The following ZNF407 variants were observed in gnomAD, a reference collection of about 807,000 sequenced individuals.
The protein encoded by ZNF407 is zinc finger protein 407.
Under a neutral mutation model 131.2 loss-of-function variants are expected in ZNF407, and 17 were observed. The observed-to-expected ratio is 0.13, with a 90% CI of 0.09 to 0.19. The LOEUF (loss-of-function observed/expected upper bound fraction) is 0.19. Among genes scored for constraint, ZNF407 ranks in the 10% least tolerant of loss-of-function variants. The pLI, the probability that ZNF407 is intolerant of heterozygous loss-of-function variation, is 1.00. For synonymous variants in ZNF407, 1,156 were observed against 1,062.0 expected, an observed-to-expected ratio of 1.09 and a Z score of -1.72; for missense variants, 2,681 against 2,830.6, an observed-to-expected ratio of 0.95 and a Z score of 1.20.
At chr18:75,059,990 C>T (rs868089958) in intron 8 of ZNF407, among the ~76,000 whole-genome samples, 28 of 152,170 alleles carry the variant, frequency 1.8e-4, no homozygotes, top group South Asian at 6.2e-4. Context: ...GCTCTGTCCC[C>T]AGACACGTGC....
chr18:74,619,925 C>G (rs1983448224), intron 1 of ZNF407, among the ~76,000 whole-genome samples: 1 of 151,670 alleles, frequency 6.6e-6, no homozygotes, highest in Non-Finnish European at 1.5e-5. Flanking sequence ...ACAAACGATC[C>G]TAGGTGTCTG....
At chr18:74,719,611 G>A (rs1967979726) in intron 3 of ZNF407, among the ~76,000 whole-genome samples, 1 of 152,114 alleles carries the variant, frequency 6.6e-6, no homozygotes, top group African/African-American at 2.4e-5. Flanking sequence ...CACCGTGTTA[G>A]CCAGGATGAT....
At chr18:74,836,798 T>C (rs1970565857) in intron 4 of ZNF407, among the ~76,000 whole-genome samples, 1 of 152,236 alleles carries the variant, frequency 6.6e-6, no homozygotes, top group Non-Finnish European at 1.5e-5. Context: ...ATTGTCATCA[T>C]GTGCTTCCTA....
intron 4 of ZNF407, among the ~76,000 whole-genome samples, chr18:74,840,242 T>C (rs1970613795): frequency 6.6e-6 from 1 of 152,124 alleles, no homozygotes; most frequent in Non-Finnish European, 1.5e-5. Context: ...CCATTCATGC[T>C]GGAAGATGCA....
intron 3 of ZNF407, among the ~76,000 whole-genome samples, chr18:74,730,273 C>T (rs1244223622): frequency 6.6e-6 from 1 of 152,192 alleles, no homozygotes; most frequent in East Asian, 1.9e-4. Context: ...AATATTCTCC[C>T]TGTAATGGCT....
At chr18:74,848,857 G>A (rs1311245698) in intron 4 of ZNF407, among the ~76,000 whole-genome samples, 3 of 152,116 alleles carry the variant, frequency 2.0e-5, no homozygotes, top group African/African-American at 7.2e-5. Context: ...CCTGGGACAA[G>A]TTTCTAAACC....
chr18:74,678,269 A>G (rs1966898998), intron 3 of ZNF407, among the ~76,000 whole-genome samples: 1 of 152,134 alleles, frequency 6.6e-6, no homozygotes, highest in African/African-American at 2.4e-5. Context: ...ACTGTATTGC[A>G]TATATTAGTA....
chr18:74,640,419 A>G (rs978432039), intron 2 of ZNF407, among the ~76,000 whole-genome samples: 4 of 152,190 alleles, frequency 2.6e-5, no homozygotes, highest in Non-Finnish European at 5.9e-5. Context: ...AAAAATGACC[A>G]TAAAAGCATA....
At chr18:75,046,607 C>A (rs369922384) in intron 8 of ZNF407, among the ~76,000 whole-genome samples, 1 of 152,144 alleles carries the variant, frequency 6.6e-6, no homozygotes, top group Non-Finnish European at 1.5e-5. Context: ...ACCACCCGAA[C>A]CGAGGGGTCC....
chr18:74,759,187 T>C (rs1274707097), intron 3 of ZNF407, among the ~76,000 whole-genome samples: 3 of 152,150 alleles, frequency 2.0e-5, no homozygotes, highest in South Asian at 2.1e-4. Context: ...CTTGCATAGT[T>C]TGTGTGGAGA....
chr18:74,646,799 TG>T (rs1359929908), intron 3 of ZNF407, among the ~76,000 whole-genome samples: 1 of 152,152 alleles, frequency 6.6e-6, no homozygotes, highest in Non-Finnish European at 1.5e-5. Flanking sequence ...GGGAGAGTGC[TG>T]GGGTGTTAGG....
chr18:74,685,414 G>A (rs528702830), intron 3 of ZNF407, among the ~76,000 whole-genome samples: 44 of 152,246 alleles, frequency 2.9e-4, no homozygotes, highest in Non-Finnish European at 5.1e-4. Flanking sequence ...TCCTATTACT[G>A]ATATAGGTCT....
In ZNF407 at chr18:75,065,060, T is replaced by A. The variant is rs1973697111; in HGVS notation, c.*592T>A. 6.6e-6 allele frequency: 1 copy of A among 152,568 alleles called. No homozygotes were observed. Among genetic ancestry groups the A allele is most frequent in the African/African-American group, 2.4e-5 (1 of 41,428 alleles). The allele number at this position is 152,568 out of a possible 1,614,324, so 9.5% of individuals were successfully genotyped here. A position where few individuals can be genotyped will look rare whatever the true frequency, so the allele number is the denominator to read the frequency against. ...CCCATACCAAAGGAAGCCTGCTAGC[T>A]CATTTCATGTATAAATTTCCCATCT... On this transcript the variant is annotated 3_prime_UTR_variant, in exon 9 of 9. Coordinates refer to ENST00000299687, the MANE Select transcript of ZNF407 (RefSeq NM_017757.3).
chr18:74,749,824 T>A (rs535176308), intron 3 of ZNF407, among the ~76,000 whole-genome samples: 2 of 152,226 alleles, frequency 1.3e-5, no homozygotes, highest in South Asian at 4.1e-4. Context: ...GAAAGCTTTG[T>A]ATTCCATTTA....
At chr18:74,907,806 T>C (rs1971616688) in intron 7 of ZNF407, among the ~76,000 whole-genome samples, 1 of 152,228 alleles carries the variant, frequency 6.6e-6, no homozygotes, top group Non-Finnish European at 1.5e-5. Flanking sequence ...GTGTATATTT[T>C]AAACTTGAAG....
chr18:74,849,052 C>CTTTTTTTTTTCT (rs1970741504), intron 4 of ZNF407, among the ~76,000 whole-genome samples: 1 of 122,942 alleles, frequency 8.1e-6, no homozygotes, highest in Non-Finnish European at 1.7e-5. Flanking sequence ...ACTTTTGTTT[C>CTTTTTTTTTTCT]TTTTTTTTTT....
At chr18:74,986,364 T>C (rs1972652917) in intron 8 of ZNF407, among the ~76,000 whole-genome samples, 1 of 152,120 alleles carries the variant, frequency 6.6e-6, no homozygotes, top group South Asian at 2.1e-4. Context: ...TTTTGACATA[T>C]TATAGTGAAA....
At chr18:74,948,852 A>T (rs1972182938) in intron 8 of ZNF407, among the ~76,000 whole-genome samples, 1 of 152,250 alleles carries the variant, frequency 6.6e-6, no homozygotes, top group African/African-American at 2.4e-5. Flanking sequence ...ATTAGAGTTA[A>T]TGTATTCCAA....
intron 7 of ZNF407, among the ~76,000 whole-genome samples, chr18:74,907,678 C>A (rs995964025): frequency 5.3e-5 from 8 of 152,142 alleles, no homozygotes; most frequent in Non-Finnish European, 5.9e-5. Context: ...ATTTACAACC[C>A]GTTTCTCTCT....
Sources: allele counts gnomAD v4.1 joint callset (sites outside exome capture counted in the v4.1 genomes callset), GRCh38; gene constraint gnomAD v4.1.1; transcripts MANE v1.5; gene names NCBI Gene and HGNC (gene_info 2026-07-23, HGNC 2026-07-21).